Variants in TRIM16 observed in about 807,000 individuals in gnomAD.
TRIM16 encodes the protein tripartite motif containing 16.
In TRIM16, 33 loss-of-function variants were observed where a neutral mutation model predicts 50.4. That is an observed-to-expected ratio of 0.65 (90% CI 0.50 to 0.88). The LOEUF (loss-of-function observed/expected upper bound fraction) is 0.88, where lower values mean the gene tolerates loss of function less well. Ranked by LOEUF, TRIM16 falls within the 40% of genes least tolerant of loss-of-function variation. The pLI, the probability that TRIM16 is intolerant of heterozygous loss-of-function variation, is 0.00. For missense variants in TRIM16, 581 were observed against 686.8 expected (o/e 0.85, Z 1.72); for synonymous variants, 229 against 270.7 (o/e 0.85, Z 1.51).
At chr17:15,639,997 C>T (rs1987045856) in intron 8 of TRIM16, among the ~76,000 whole-genome samples, 1 of 149,140 alleles carries the variant, frequency 6.7e-6, no homozygotes, top group Non-Finnish European at 1.5e-5. Flanking sequence ...TTACTATGTG[C>T]CAGGCACTTT....
chr17:15,650,627 G>A (rs1865729874), intron 7 of TRIM16, among the ~76,000 whole-genome samples: 1 of 152,182 alleles, frequency 6.6e-6, no homozygotes, highest in African/African-American at 2.4e-5. Context: ...TCTCTTGTTT[G>A]AGAAAAAGAG....
chr17:15,677,889 G>T (rs1243527252), intron 4 of TRIM16, among the ~76,000 whole-genome samples, 168 bp from the exon 5 acceptor site: 1 of 152,126 alleles, frequency 6.6e-6, no homozygotes, highest in African/African-American at 2.4e-5. Context: ...TGATAGTTTT[G>T]TTTTACAGTA....
rs1986202820 is a variant in TRIM16 at position 15,628,188 on chromosome 17, T to G, written c.*427A>C. On this transcript the variant is annotated 3_prime_UTR_variant, in exon 12 of 12. Coordinates refer to ENST00000649191, the MANE Select transcript of TRIM16 (RefSeq NM_001348119.1). ...ACTTTGGGAGGCCGAGGTGGGTGCA[T>G]CACGAGGTCAGGAGTTTGAGATCTG... The G allele has an allele frequency of 6.3e-6, 1 of 158,404 alleles. No individual in the cohort carries two copies. Among genetic ancestry groups the G allele is most frequent in the African/African-American group, 2.4e-5 (1 of 41,500 alleles). 9.8% of individuals were successfully genotyped at this position (158,404 alleles called of 1,614,324 possible).
chr17:15,632,726 C>T (rs1986495399), intron 9 of TRIM16, 52 bp from the exon 10 acceptor site: 10 of 1,494,450 alleles, frequency 6.7e-6, no homozygotes, highest in Non-Finnish European at 8.9e-6. Context: ...TTTCTAAACT[C>T]GGGCTTCTCT....
chr17:15,678,703 G>A (rs912881795), intron 4 of TRIM16, among the ~76,000 whole-genome samples: 3 of 152,110 alleles, frequency 2.0e-5, no homozygotes, highest in East Asian at 1.9e-4. Context: ...ATATATTTTG[G>A]GTCTATTGGT....
At chr17:15,665,164 A>G (rs1464673391) in intron 6 of TRIM16, among the ~76,000 whole-genome samples, 1 of 152,116 alleles carries the variant, frequency 6.6e-6, no homozygotes, top group African/African-American at 2.4e-5. Context: ...CTCACTGAAA[A>G]CCAACTTTTC....
intron 4 of TRIM16, among the ~76,000 whole-genome samples, chr17:15,680,367 C>A (rs1229790893): frequency 2.1e-5 from 3 of 140,624 alleles, no homozygotes; most frequent in African/African-American, 8.7e-5. Flanking sequence ...AATAATAAAT[C>A]TGCTGGTTTG....
In TRIM16 at chr17:15,677,555, G is replaced by A; in HGVS notation, c.-443+20C>T. 3 of 1,048,346 alleles carry A rather than the reference G, an allele frequency of 2.9e-6. No homozygotes were observed. Among genetic ancestry groups the A allele is most frequent in the Non-Finnish European group, 3.5e-6 (3 of 861,182 alleles). 64.9% of individuals were successfully genotyped at this position (1,048,346 alleles called of 1,614,324 possible). On this transcript the variant is annotated intron_variant, in intron 5 of 11. Transcript: ENST00000649191. ...AGGTATCCTGAAAGGTCAATCTGGG[G>A]TGGAAGGACCCAAGCTCACCCAAGG...
intron 7 of TRIM16, among the ~76,000 whole-genome samples, chr17:15,644,164 C>T (rs540852891): frequency 3.3e-5 from 5 of 152,276 alleles, no homozygotes; most frequent in Admixed American, 6.5e-5. Context: ...CAGAAGCTCC[C>T]GGAAGCCCAG....
intron 6 of TRIM16, among the ~76,000 whole-genome samples, chr17:15,664,787 C>T (rs989845774): frequency 1.3e-5 from 2 of 152,110 alleles, no homozygotes; most frequent in Non-Finnish European, 2.9e-5. Flanking sequence ...GTCATCCCAG[C>T]GCTCTGGAAG....
rs1411143451 is a variant in TRIM16 at position 15,628,863 on chromosome 17, T to C, written c.1447A>G (p.Met483Val). Reference protein sequence around the residue: ...GKEFTAWYSDMETPLKAGPFR... With the variant: ...GKEFTAWYSDVETPLKAGPFR... ...GGGCCAGCTTTGAGTGGGGTCTCCA[T>C]GTCACTGTACCAGGCCGTGAACTCC... The change falls in exon 12 of 12, where the codon ATG becomes GTG. Residue 483 changes from methionine (M) to valine (V), a missense_variant. This residue lies in a region of TRIM16 where 115 missense variants were observed against 106.7 expected (regional missense o/e 1.08). Coordinates refer to ENST00000649191, the MANE Select transcript of TRIM16 (RefSeq NM_001348119.1). 6 of 1,614,092 alleles carry C rather than the reference T, an allele frequency of 3.7e-6. No homozygotes were observed. Among genetic ancestry groups the C allele is most frequent in the Non-Finnish European group, 5.1e-6 (6 of 1,180,040 alleles).
chr17:15,643,784 G>A (rs948466620), intron 7 of TRIM16, among the ~76,000 whole-genome samples: 2 of 152,224 alleles, frequency 1.3e-5, no homozygotes, highest in African/African-American at 4.8e-5. Flanking sequence ...GTTGAGCCTA[G>A]GCTGACCCCA....
chr17:15,676,197 C>T (rs941281870), intron 6 of TRIM16, among the ~76,000 whole-genome samples: 1 of 152,170 alleles, frequency 6.6e-6, no homozygotes, highest in Non-Finnish European at 1.5e-5. Flanking sequence ...TCCTGGACTC[C>T]ACTCACGAGA....
At chr17:15,661,897 G>C (rs1021267218) in intron 6 of TRIM16, among the ~76,000 whole-genome samples, 1 of 152,192 alleles carries the variant, frequency 6.6e-6, no homozygotes, top group Non-Finnish European at 1.5e-5. Flanking sequence ...TTTTCCATTA[G>C]GAGGCCCCTG....
intron 6 of TRIM16, among the ~76,000 whole-genome samples, chr17:15,661,172 C>G (rs1988220473): frequency 6.6e-6 from 1 of 152,210 alleles, no homozygotes; most frequent in Admixed American, 6.5e-5. Flanking sequence ...GTTTCCTCCT[C>G]TAAAATGGGG....
At chr17:15,683,353 G>C in intron 1 of TRIM16, 196 bp from the exon 2 acceptor site, 1 of 494,368 alleles carries the variant, frequency 2.0e-6, no homozygotes, top group Non-Finnish European at 3.6e-6. Context: ...ATACCACTAG[G>C]GCCCTGCAGA....
At chr17:15,682,726 C>T in intron 3 of TRIM16, 128 bp downstream of exon 3, 1 of 891,348 alleles carries the variant, frequency 1.1e-6, no homozygotes. Context: ...TCCGACTTAT[C>T]CCCCCTTATC....
At chr17:15,631,001 T>C (rs1986388644) in intron 11 of TRIM16, among the ~76,000 whole-genome samples, 1 of 152,162 alleles carries the variant, frequency 6.6e-6, no homozygotes. Context: ...CCCTACATTG[T>C]TCAAGGGTCA....
chr17:15,643,437 G>A (rs934232341), intron 7 of TRIM16, among the ~76,000 whole-genome samples: 1 of 139,868 alleles, frequency 7.1e-6, no homozygotes, highest in Admixed American at 6.7e-5. Flanking sequence ...TCAACCAACT[G>A]CCAATCAGAA....
Sources: allele counts gnomAD v4.1 joint callset (sites outside exome capture counted in the v4.1 genomes callset), GRCh38; gene constraint gnomAD v4.1.1; regional missense constraint gnomAD v4.1.1; transcripts MANE v1.5; gene names NCBI Gene and HGNC (gene_info 2026-07-23, HGNC 2026-07-21).